The following MYOF variants were observed in gnomAD, a reference collection of about 807,000 sequenced individuals.
MYOF encodes myoferlin.
MYOF carries 244 observed loss-of-function variants against 284.2 expected under a neutral mutation model. That is an observed-to-expected ratio of 0.86 (90% CI 0.77 to 0.95). The LOEUF (loss-of-function observed/expected upper bound fraction) is 0.95, where lower values mean the gene tolerates loss of function less well. Ranked by LOEUF, MYOF falls within the 40% of genes least tolerant of loss-of-function variation. The pLI is 0.00. For synonymous variants in MYOF, 904 were observed against 919.7 expected (o/e 0.98, Z 0.31); for missense variants, 2,496 against 2,560.6 (o/e 0.97, Z 0.54).
intron 5 of MYOF, 31 bp downstream of exon 5, chr10:93,426,040 G>A (rs962466623): frequency 2.6e-6 from 4 of 1,545,508 alleles, no homozygotes; most frequent in East Asian, 4.9e-5. Context: ...TCCCCCTGGG[G>A]GTGGCTGGGC....
chr10:93,465,402 G>A (rs1194841717), intron 1 of MYOF, among the ~76,000 whole-genome samples: 1 of 152,114 alleles, frequency 6.6e-6, no homozygotes, highest in African/African-American at 2.4e-5. Flanking sequence ...ATTACTAGGC[G>A]GCTTTAATGA....
intron 5 of MYOF, among the ~76,000 whole-genome samples, chr10:93,424,394 T>A (rs761062661): frequency 1.7e-4 from 26 of 152,250 alleles, no homozygotes; most frequent in Non-Finnish European, 2.8e-4. Context: ...GACCACTCAG[T>A]TCTGCCCCTG....
chr10:93,361,603 G>A lies in MYOF; in HGVS notation c.2869-46C>T, dbSNP rs764872767. Reference sequence around the variant, plus strand: ...ACAAAGAAGAGAGGTAAGCCATAGTGTCAGTAAGAGGCAAAGGGTCCAATA... The same window carrying A: ...ACAAAGAAGAGAGGTAAGCCATAGTATCAGTAAGAGGCAAAGGGTCCAATA... On this transcript the variant is annotated intron_variant, in intron 27 of 53. Coordinates refer to ENST00000359263, the MANE Select transcript of MYOF (RefSeq NM_013451.4). 5.0e-6 allele frequency: 8 copies of A among 1,588,494 alleles called. No individual in the cohort carries two copies. In the African/African-American group the frequency reaches 1.1e-4, roughly 21 times the overall value.
intron 3 of MYOF, among the ~76,000 whole-genome samples, chr10:93,439,182 T>C (rs933798108): frequency 1.4e-5 from 2 of 147,086 alleles, no homozygotes; most frequent in Admixed American, 6.6e-5. Flanking sequence ...GTATCACTGT[T>C]ACCTTTGCAG....
chr10:93,397,574 T>A, intron 13 of MYOF, 118 bp from the exon 14 acceptor site: 1 of 593,462 alleles, frequency 1.7e-6, no homozygotes, highest in Non-Finnish European at 2.7e-6. Flanking sequence ...GGAACCTGGT[T>A]AAACTTTATT....
At chr10:93,480,213 A>G (rs1017897303) in intron 1 of MYOF, among the ~76,000 whole-genome samples, 3 of 152,174 alleles carry the variant, frequency 2.0e-5, no homozygotes, top group Non-Finnish European at 4.4e-5. Context: ...ACGTGAGTCC[A>G]TGATATTCAC....
chr10:93,322,487 C>T (rs774236704), intron 48 of MYOF, among the ~76,000 whole-genome samples: 2 of 152,200 alleles, frequency 1.3e-5, no homozygotes, highest in African/African-American at 2.4e-5. Context: ...CATCTATGAT[C>T]GAGGCATATG....
intron 4 of MYOF, among the ~76,000 whole-genome samples, chr10:93,428,241 G>A (rs1343793253): frequency 6.6e-6 from 1 of 150,456 alleles, no homozygotes; most frequent in Non-Finnish European, 1.5e-5. Flanking sequence ...CTGTTGCCCA[G>A]GCTGGAGCAC....
intron 3 of MYOF, among the ~76,000 whole-genome samples, chr10:93,442,418 G>T (rs1278530847): frequency 6.6e-6 from 1 of 152,122 alleles, no homozygotes; most frequent in Non-Finnish European, 1.5e-5. Context: ...TAAGAAATTT[G>T]CCAAGAGTCA....
intron 3 of MYOF, among the ~76,000 whole-genome samples, chr10:93,447,291 T>G (rs1211679738): frequency 6.6e-6 from 1 of 152,172 alleles, no homozygotes; most frequent in Non-Finnish European, 1.5e-5. Flanking sequence ...TTCCTTCACT[T>G]ACAGCCCCTT....
At chr10:93,457,803 G>T (rs145378416) in intron 1 of MYOF, among the ~76,000 whole-genome samples, 1 of 148,906 alleles carries the variant, frequency 6.7e-6, no homozygotes, top group African/African-American at 2.5e-5. Flanking sequence ...GCACTATTTC[G>T]GCTCACTGCA....
intron 3 of MYOF, among the ~76,000 whole-genome samples, chr10:93,436,946 A>G (rs1456529644): frequency 6.6e-6 from 1 of 152,214 alleles, no homozygotes; most frequent in Non-Finnish European, 1.5e-5. Context: ...TCCAACCAAC[A>G]CTAAAACAGG....
At chr10:93,441,565 T>TC (rs1171679338) in intron 3 of MYOF, among the ~76,000 whole-genome samples, 7 of 146,414 alleles carry the variant, frequency 4.8e-5, no homozygotes, top group Non-Finnish European at 7.6e-5. Context: ...TTGTATCTTT[T>TC]TTTTTTTTTT....
intron 1 of MYOF, among the ~76,000 whole-genome samples, chr10:93,458,707 A>G (rs1404635237): frequency 6.6e-6 from 1 of 152,170 alleles, no homozygotes; most frequent in Non-Finnish European, 1.5e-5. Flanking sequence ...TCCAGCCTAA[A>G]GGATAGAGCG....
chr10:93,373,094 G>A lies in MYOF; in HGVS notation c.2302-9C>T, dbSNP rs1333676221. Reference sequence around the variant, plus strand: ...GGCATGCTGTTCTGTGGCTGGTCATGAGGATTGGATGGAAGAGGAAGCACA... The same window carrying A: ...GGCATGCTGTTCTGTGGCTGGTCATAAGGATTGGATGGAAGAGGAAGCACA... On this transcript the variant is annotated splice_polypyrimidine_tract_variant and intron_variant, in intron 23 of 53. Coordinates refer to ENST00000359263, the MANE Select transcript of MYOF (RefSeq NM_013451.4). 6.2e-7 allele frequency: 1 copy of A among 1,614,180 alleles called. No homozygotes were observed. The highest frequency in any genetic ancestry group is 1.1e-5 in the South Asian group (1 of 91,086).
intron 3 of MYOF, among the ~76,000 whole-genome samples, chr10:93,450,394 A>AAAAC (rs923570121): frequency 1.3e-5 from 2 of 152,066 alleles, no homozygotes; most frequent in Admixed American, 6.6e-5. Flanking sequence ...TCCATCTCAA[A>AAAAC]AAACAAACAA....
chr10:93,310,494 C>T (rs1458340837), intron 52 of MYOF, 40 bp downstream of exon 52: 1 of 1,589,318 alleles, frequency 6.3e-7, no homozygotes, highest in East Asian at 2.2e-5. Context: ...TCTCAGCCTG[C>T]AGGTGTTTGG....
rs185198374 is a variant in MYOF, at chr10:93,324,814, C to T, written c.5271+1012G>A. On this transcript the variant is annotated intron_variant, in intron 46 of 53. Coordinates refer to ENST00000359263, the MANE Select transcript of MYOF (RefSeq NM_013451.4). Reference sequence around the variant, plus strand: ...TTTTTTTGTGAGACAGAGTCTGGCTCTGTCACCCAGGCTAGAGTGCAGTGG... The same window carrying T: ...TTTTTTTGTGAGACAGAGTCTGGCTTTGTCACCCAGGCTAGAGTGCAGTGG... Among the ~76,000 whole-genome samples, 29 of 152,102 alleles carry T rather than the reference C, an allele frequency of 1.9e-4. No individual in the cohort carries two copies. The East Asian group carries it at 5.4e-3, about 28-fold the overall frequency.
intron 48 of MYOF, among the ~76,000 whole-genome samples, chr10:93,322,781 C>T (rs1407154933): frequency 6.6e-6 from 1 of 151,978 alleles, no homozygotes; most frequent in East Asian, 1.9e-4. Flanking sequence ...CTAAAACGTC[C>T]CAGAAATAAT....
Sources: allele counts gnomAD v4.1 joint callset (sites outside exome capture counted in the v4.1 genomes callset), GRCh38; gene constraint gnomAD v4.1.1; transcripts MANE v1.5; gene names NCBI Gene and HGNC (gene_info 2026-07-23, HGNC 2026-07-21).